The following RMND1 variants were observed in gnomAD, a reference collection of about 807,000 sequenced individuals.
RMND1 encodes required for meiotic nuclear division protein 1 homolog.
Under a neutral mutation model 54.0 loss-of-function variants are expected in RMND1, and 41 were observed. The ratio of observed to expected loss-of-function variants is 0.76; its 90% CI spans 0.59 to 0.98. The LOEUF is 0.98. RMND1 is among the 50% of genes least tolerant of loss of function. RMND1 has a pLI of 0.00. For missense variants in RMND1, 457 were observed against 532.0 expected (o/e 0.86, Z 1.39); for synonymous variants, 183 against 181.7 (o/e 1.01, Z -0.06).
At chr6:151,405,875 T>C in intron 10 of RMND1, 39 bp from the exon 11 acceptor site, 1 of 1,043,064 alleles carries the variant, frequency 9.6e-7, no homozygotes, top group South Asian at 1.3e-5. Context: ...ATTTAAACAA[T>C]TTAATACGGT....
chr6:151,417,181 G>A, intron 10 of RMND1, 98 bp downstream of exon 10: 1 of 1,297,774 alleles, frequency 7.7e-7, no homozygotes, highest in Non-Finnish European at 1.1e-6. Context: ...AGATTTGAAT[G>A]GAAGTCAAAC....
intron 3 of RMND1, chr6:151,436,186 G>A: frequency 3.1e-6 from 1 of 323,434 alleles, no homozygotes; most frequent in South Asian, 4.2e-5. Flanking sequence ...TAGAAATGAA[G>A]TAGTATGACC....
At chr6:151,428,843 A>C (rs1052168557) in intron 5 of RMND1, among the ~76,000 whole-genome samples, 4 of 152,162 alleles carry the variant, frequency 2.6e-5, no homozygotes, top group African/African-American at 7.2e-5. Flanking sequence ...CCACACTTAT[A>C]ATATTGCTAG....
chr6:151,444,700 A>T (rs1271744248), intron 2 of RMND1: 1 of 152,328 alleles, frequency 6.6e-6, no homozygotes, highest in East Asian at 1.9e-4. Flanking sequence ...CAAGATACAA[A>T]GGTTATCAAG....
At chr6:151,426,007 G>A (rs917051123) in intron 6 of RMND1, among the ~76,000 whole-genome samples, 1 of 150,192 alleles carries the variant, frequency 6.7e-6, no homozygotes, top group Non-Finnish European at 1.5e-5. Flanking sequence ...GCAGTGGTGC[G>A]ATCTCAGGTC....
At position 151,432,384 on chromosome 6, in the gene RMND1, A is replaced by G. The variant is rs140277720; in HGVS notation, c.689+771T>C. 8.0e-4 allele frequency among the ~76,000 whole-genome samples: 122 copies of G among 152,326 alleles called. 1 individual carries two copies. Among genetic ancestry groups the G allele is most frequent in the African/African-American group, 2.8e-3 (117 of 41,580 alleles). ...CTCTCTAAAGATGGGGTCAAAAGGA[A>G]GGTAGGCATTGAAAGGAAAAAAGAA... On this transcript the variant is annotated intron_variant, in intron 4 of 11. Transcript: ENST00000444024.
At chr6:151,445,245 G>C in intron 2 of RMND1, 63 bp downstream of exon 2, 1 of 1,521,854 alleles carries the variant, frequency 6.6e-7, no homozygotes, top group Middle Eastern at 1.8e-4. Context: ...GGGGTGCAAC[G>C]CACACTGGTT....
chr6:151,425,449 C>T (rs866590462), intron 6 of RMND1, among the ~76,000 whole-genome samples: 2 of 150,998 alleles, frequency 1.3e-5, no homozygotes, highest in Non-Finnish European at 1.5e-5. Context: ...TGTGGATAAG[C>T]GTACACACAC....
chr6:151,451,199 A>T (rs935561930), intron 1 of RMND1, among the ~76,000 whole-genome samples: 19 of 27,532 alleles, frequency 6.9e-4, no homozygotes, highest in South Asian at 1.7e-3. Flanking sequence ...AATGATCAAT[A>T]AAAAAAAAAA....
At chr6:151,448,985 G>A (rs773725712) in intron 1 of RMND1, among the ~76,000 whole-genome samples, 1 of 141,436 alleles carries the variant, frequency 7.1e-6, no homozygotes, top group Non-Finnish European at 1.5e-5. Flanking sequence ...GCTGAGGCAC[G>A]AGAATGGCTT....
intron 1 of RMND1, among the ~76,000 whole-genome samples, chr6:151,451,387 AAT>A (rs1479852900): frequency 2.0e-5 from 3 of 152,210 alleles, no homozygotes; most frequent in Non-Finnish European, 4.4e-5. Flanking sequence ...CTGAAAATAA[AAT>A]AGACAAAAAT....
intron 3 of RMND1, among the ~76,000 whole-genome samples, chr6:151,434,081 T>C (rs1780530945): frequency 6.6e-6 from 1 of 152,062 alleles, no homozygotes. Flanking sequence ...ACTCCTCAGC[T>C]CAAGCCATCT....
intron 10 of RMND1, among the ~76,000 whole-genome samples, chr6:151,415,670 G>GTA (rs1779982619): frequency 6.6e-6 from 1 of 151,724 alleles, no homozygotes; most frequent in Non-Finnish European, 1.5e-5. Flanking sequence ...GCGGGTGCCT[G>GTA]TAGTCCCACC....
chr6:151,422,440 C>A, intron 8 of RMND1, 101 bp downstream of exon 8: 1 of 552,926 alleles, frequency 1.8e-6, no homozygotes, highest in Non-Finnish European at 3.1e-6. Flanking sequence ...ACAAATCTCC[C>A]ATGGATACTG....
At chr6:151,440,384 C>T (rs777552523) in intron 2 of RMND1, among the ~76,000 whole-genome samples, 4 of 152,158 alleles carry the variant, frequency 2.6e-5, no homozygotes, top group Non-Finnish European at 4.4e-5. Context: ...GTGAATATTC[C>T]GACACTAACG....
At chr6:151,424,644 A>G (rs1437566340) in intron 6 of RMND1, among the ~76,000 whole-genome samples, 1 of 152,198 alleles carries the variant, frequency 6.6e-6, no homozygotes, top group African/African-American at 2.4e-5. Context: ...AATGCTGCAT[A>G]TAAAACTATA....
rs775943553 is a variant in RMND1 at position 151,405,818 on chromosome 6, G to T, written c.1219C>A (p.Gln407Lys). Reference sequence around the variant, plus strand: ...AGATCTGTTAGTTCCATGCAGTGCTGAAGTTTTTCATTCATGACCTATGTA... The same window carrying T: ...AGATCTGTTAGTTCCATGCAGTGCTTAAGTTTTTCATTCATGACCTATGTA... ...RRVKVMNEKL[Q>K]HCMELTDLMR... The change falls in exon 11 of 12, where the codon CAG becomes AAG. Residue 407 changes from glutamine (Q) to lysine (K), a missense_variant. Gln to Lys is a moderately conservative substitution (Grantham distance 53, BLOSUM62 1). Coordinates refer to ENST00000444024, the MANE Select transcript of RMND1 (RefSeq NM_017909.4). The T allele has an allele frequency of 5.0e-6, 8 of 1,607,370 alleles. No individual in the cohort carries two copies. The African/African-American group carries it at 6.7e-5, about 13-fold the overall frequency.
intron 1 of RMND1, among the ~76,000 whole-genome samples, chr6:151,451,174 C>T (rs1403902178): frequency 5.1e-5 from 7 of 138,374 alleles, no homozygotes; most frequent in South Asian, 2.2e-4. Context: ...TCCCCCTCTG[C>T]GAGAAACACC....
chr6:151,448,767 T>G (rs907426769), intron 1 of RMND1, among the ~76,000 whole-genome samples: 19 of 152,224 alleles, frequency 1.2e-4, no homozygotes, highest in Non-Finnish European at 2.8e-4. Flanking sequence ...GAAATCTAGC[T>G]GTGGCTTCAC....
Sources: gnomAD v4.1 joint callset for allele counts (sites outside exome capture counted in the v4.1 genomes callset) on GRCh38, gnomAD v4.1.1 for gene constraint, MANE v1.5 for transcripts, NCBI Gene and HGNC (gene_info 2026-07-23, HGNC 2026-07-21) for gene names.